ADAMTS12: variants seen among roughly 807,000 people sequenced by gnomAD.
ADAMTS12 encodes A disintegrin and metalloproteinase with thrombospondin motifs 12.
Under a neutral mutation model 167.8 loss-of-function variants are expected in ADAMTS12, and 118 were observed. The ratio of observed to expected loss-of-function variants is 0.70; its 90% CI spans 0.61 to 0.82. The LOEUF (loss-of-function observed/expected upper bound fraction) is 0.82. ADAMTS12 is among the 40% of genes least tolerant of loss of function. The pLI is 0.00. For synonymous variants in ADAMTS12, 704 were observed against 716.9 expected (o/e 0.98, Z 0.29); for missense variants, 1,916 against 1,998.8 (o/e 0.96, Z 0.79).
At chr5:33,866,181 C>A (rs528281334) in intron 2 of ADAMTS12, among the ~76,000 whole-genome samples, 1 of 152,026 alleles carries the variant, frequency 6.6e-6, no homozygotes, top group East Asian at 1.9e-4. Flanking sequence ...CACATTACCT[C>A]ACTTCAAGTT....
chr5:33,598,808 T>C (rs1284862597), intron 16 of ADAMTS12, among the ~76,000 whole-genome samples: 4 of 152,234 alleles, frequency 2.6e-5, no homozygotes, highest in Admixed American at 6.5e-5. Flanking sequence ...TTCTACAACA[T>C]GACCTTGTCA....
chr5:33,678,961 C>T (rs1742015048), intron 5 of ADAMTS12, among the ~76,000 whole-genome samples: 1 of 152,276 alleles, frequency 6.6e-6, no homozygotes, highest in Non-Finnish European at 1.5e-5. Flanking sequence ...ACAGACTTGA[C>T]ATGGGAGGGA....
intron 14 of ADAMTS12, among the ~76,000 whole-genome samples, chr5:33,617,821 T>A (rs978505109): frequency 1.3e-5 from 2 of 152,140 alleles, no homozygotes; most frequent in African/African-American, 4.8e-5. Flanking sequence ...TAACAGTGTT[T>A]GCTTTTTATT....
intron 13 of ADAMTS12, among the ~76,000 whole-genome samples, chr5:33,625,403 C>G (rs577117620): frequency 6.6e-6 from 1 of 152,210 alleles, no homozygotes; most frequent in East Asian, 1.9e-4. Context: ...AATGCCAGCC[C>G]TTCACAAGCA....
chr5:33,886,356 A>G (rs561291329), intron 1 of ADAMTS12, among the ~76,000 whole-genome samples: 7 of 152,340 alleles, frequency 4.6e-5, no homozygotes, highest in South Asian at 2.1e-4. Flanking sequence ...TCCTCCTTCA[A>G]TACTCACAAC....
chr5:33,691,292 C>G (rs1742539128), intron 3 of ADAMTS12, among the ~76,000 whole-genome samples: 1 of 152,186 alleles, frequency 6.6e-6, no homozygotes, highest in South Asian at 2.1e-4. Flanking sequence ...AGTTTGTTTT[C>G]AGAGCTCCCA....
intron 3 of ADAMTS12, among the ~76,000 whole-genome samples, chr5:33,719,169 G>A (rs190064868): frequency 1.2e-4 from 19 of 152,272 alleles, no homozygotes; most frequent in Admixed American, 6.5e-4. Context: ...AGGTAGGAAG[G>A]TAGATGGGTT....
intron 5 of ADAMTS12, among the ~76,000 whole-genome samples, chr5:33,677,054 C>T (rs139466092): frequency 1.5e-3 from 234 of 152,254 alleles, no homozygotes; most frequent in African/African-American, 5.6e-3. Context: ...CTTCATCCGA[C>T]TCACTCTCAT....
At chr5:33,711,749 A>C (rs1382515227) in intron 3 of ADAMTS12, among the ~76,000 whole-genome samples, 2 of 152,166 alleles carry the variant, frequency 1.3e-5, no homozygotes, top group Non-Finnish European at 2.9e-5. Context: ...TTGTCTTTCA[A>C]ACTCAAAGAT....
intron 2 of ADAMTS12, among the ~76,000 whole-genome samples, chr5:33,755,193 A>G (rs1745126252): frequency 6.6e-6 from 1 of 152,224 alleles, no homozygotes. Flanking sequence ...ACAAACACAA[A>G]AAGGCTACTA....
chr5:33,541,808 G>A (rs1465181165), intron 22 of ADAMTS12, among the ~76,000 whole-genome samples: 1 of 152,126 alleles, frequency 6.6e-6, no homozygotes, highest in Non-Finnish European at 1.5e-5. Flanking sequence ...TCACCACCAG[G>A]CCTGCCTTAC....
At position 33,587,177 on chromosome 5, in the gene ADAMTS12, T is replaced by C. The variant is rs186868995; in HGVS notation, c.2865+1422A>G. 3.3e-5 allele frequency among the ~76,000 whole-genome samples: 5 copies of C among 152,344 alleles called. No individual in the cohort carries two copies. In the East Asian group the frequency reaches 9.6e-4, roughly 29 times the overall value. On this transcript the variant is annotated intron_variant, in intron 18 of 23. Coordinates refer to ENST00000504830, the MANE Select transcript of ADAMTS12 (RefSeq NM_030955.4). Reference sequence around the variant, plus strand: ...TAAGGTTTCATCAAAGCTGCTGTATTTAAATGAGTGTTTTGCTTTCAAATA... The same window carrying C: ...TAAGGTTTCATCAAAGCTGCTGTATCTAAATGAGTGTTTTGCTTTCAAATA...
chr5:33,685,198 C>T (rs939498338), intron 3 of ADAMTS12, among the ~76,000 whole-genome samples: 6 of 152,222 alleles, frequency 3.9e-5, no homozygotes, highest in African/African-American at 1.4e-4. Flanking sequence ...AACCTCATGT[C>T]CCCTTCCTAA....
At chr5:33,891,629 G>A (rs1750857157) in intron 1 of ADAMTS12, 101 bp downstream of exon 1, 1 of 1,546,470 alleles carries the variant, frequency 6.5e-7, no homozygotes, top group South Asian at 1.2e-5. Context: ...TGGCTTTTCA[G>A]AGTTCAGTTC....
intron 3 of ADAMTS12, among the ~76,000 whole-genome samples, chr5:33,727,778 C>A (rs1312058535): frequency 1.3e-5 from 2 of 152,206 alleles, no homozygotes; most frequent in African/African-American, 4.8e-5. Flanking sequence ...ACCATCCTAT[C>A]GTCTCCTTTG....
chr5:33,675,694 T>C (rs1463886128), intron 5 of ADAMTS12, among the ~76,000 whole-genome samples: 2 of 152,246 alleles, frequency 1.3e-5, no homozygotes, highest in African/African-American at 2.4e-5. Flanking sequence ...TTCTATTAAA[T>C]GTCACAGCTC....
chr5:33,856,152 G>GA (rs1444254061), intron 2 of ADAMTS12, among the ~76,000 whole-genome samples: 1 of 152,162 alleles, frequency 6.6e-6, no homozygotes, highest in Non-Finnish European at 1.5e-5. Flanking sequence ...TCTTCACCTT[G>GA]AATCAAAGGA....
chr5:33,809,728 A>C (rs1747377880), intron 2 of ADAMTS12, among the ~76,000 whole-genome samples: 1 of 152,136 alleles, frequency 6.6e-6, no homozygotes, highest in African/African-American at 2.4e-5. Flanking sequence ...GCAAAAAGAA[A>C]AGGCTGCTGT....
intron 16 of ADAMTS12, among the ~76,000 whole-genome samples, chr5:33,597,955 TA>T (rs1416589340): frequency 6.6e-6 from 1 of 152,194 alleles, no homozygotes; most frequent in African/African-American, 2.4e-5. Context: ...AAAAGGCTTG[TA>T]TCTGTGCACG....
Sources: gnomAD v4.1 joint callset for allele counts (sites outside exome capture counted in the v4.1 genomes callset) on GRCh38, gnomAD v4.1.1 for gene constraint, MANE v1.5 for transcripts, NCBI Gene and HGNC (gene_info 2026-07-23, HGNC 2026-07-21) for gene names.